The following LTBP1 variants were observed in gnomAD, a reference collection of about 807,000 sequenced individuals.
LTBP1 encodes the protein latent transforming growth factor beta binding protein 1.
LTBP1 carries 129 observed loss-of-function variants against 207.6 expected under a neutral mutation model. The observed-to-expected ratio is 0.62, with a 90% CI of 0.54 to 0.72. The LOEUF is 0.72. Among genes scored for constraint, LTBP1 ranks in the 30% least tolerant of loss-of-function variants. The pLI is 0.00. For missense variants in LTBP1, 2,281 were observed against 2,217.2 expected (o/e 1.03, Z -0.58); for synonymous variants, 963 against 833.7 (o/e 1.16, Z -2.67).
At chr2:33,349,370 G>A (rs2094748479) in intron 26 of LTBP1, among the ~76,000 whole-genome samples, 1 of 151,888 alleles carries the variant, frequency 6.6e-6, no homozygotes, top group South Asian at 2.1e-4. Flanking sequence ...GAACACATGA[G>A]GCAAGGTTGC....
At chr2:33,145,389 G>T (rs550715316) in intron 5 of LTBP1, among the ~76,000 whole-genome samples, 1 of 152,280 alleles carries the variant, frequency 6.6e-6, no homozygotes, top group African/African-American at 2.4e-5. Flanking sequence ...TTTTCCTAGT[G>T]TAGAGATTCA....
At chr2:33,098,852 T>A (rs998425524) in intron 3 of LTBP1, among the ~76,000 whole-genome samples, 1 of 152,214 alleles carries the variant, frequency 6.6e-6, no homozygotes, top group African/African-American at 2.4e-5. Context: ...AGCAAGGCTC[T>A]CCTGGTATAT....
intron 3 of LTBP1, among the ~76,000 whole-genome samples, chr2:33,079,007 C>A (rs2078250863): frequency 1.3e-5 from 2 of 151,860 alleles, no homozygotes; most frequent in South Asian, 4.2e-4. Flanking sequence ...TACAGGCGCA[C>A]ACCACCACGC....
At position 33,098,392 on chromosome 2, in the gene LTBP1, A is replaced by T. The variant is rs574462509; in HGVS notation, c.864-12190A>T. Among the ~76,000 whole-genome samples, 24 of 152,202 alleles carry T rather than the reference A, an allele frequency of 1.6e-4. 1 individual carries two copies. Among genetic ancestry groups the T allele is most frequent in the African/African-American group, 5.8e-4 (24 of 41,524 alleles). On this transcript the variant is annotated intron_variant, in intron 3 of 33. Coordinates refer to ENST00000404816, the MANE Select transcript of LTBP1 (RefSeq NM_206943.4). ...TTCATGTGCATTGCAGATATTTTTCAAATGTATTATTTAACTATTAACTTT... is the reference window on the plus strand; with the variant it reads ...TTCATGTGCATTGCAGATATTTTTCTAATGTATTATTTAACTATTAACTTT...
chr2:33,047,377 T>C (rs573583890), intron 3 of LTBP1, among the ~76,000 whole-genome samples: 40 of 152,336 alleles, frequency 2.6e-4, no homozygotes, highest in Admixed American at 2.2e-3. Context: ...ATGTACCCGG[T>C]AGTCAATTCA....
At chr2:33,228,988 TG>T (rs2091630546) in intron 9 of LTBP1, among the ~76,000 whole-genome samples, 1 of 151,930 alleles carries the variant, frequency 6.6e-6, no homozygotes, top group South Asian at 2.1e-4. Context: ...TGTGAGCCAC[TG>T]TACCCGGCCC....
At chr2:32,994,951 A>G (rs1685022395) in intron 2 of LTBP1, among the ~76,000 whole-genome samples, 1 of 152,144 alleles carries the variant, frequency 6.6e-6, no homozygotes, top group South Asian at 2.1e-4. Flanking sequence ...ATAACTCAGG[A>G]GGCTGAGGTG....
intron 3 of LTBP1, among the ~76,000 whole-genome samples, chr2:33,068,221 A>C (rs112795118): frequency 0.018 from 2,741 of 151,334 alleles, 77 homozygotes; most frequent in African/African-American, 0.063. Context: ...AATGCCCAGG[A>C]GTGCAGTTAC....
intron 15 of LTBP1, among the ~76,000 whole-genome samples, chr2:33,264,013 C>T (rs1473845215): frequency 6.7e-6 from 1 of 148,594 alleles, no homozygotes; most frequent in African/African-American, 2.5e-5. Flanking sequence ...CCCAGCACTT[C>T]AGGAGGTCGA....
At chr2:33,338,278 G>T (rs1416997163) in intron 24 of LTBP1, among the ~76,000 whole-genome samples, 2 of 152,164 alleles carry the variant, frequency 1.3e-5, no homozygotes, top group Non-Finnish European at 1.5e-5. Context: ...AAGACGCCCA[G>T]TAATTCATAA....
rs796166959 is a variant in LTBP1 at position 33,041,374 on chromosome 2, G to A, written c.863+20168G>A. On this transcript the variant is annotated intron_variant, in intron 3 of 33. Transcript: ENST00000404816. ...ATCTCGGCTCACTGCAACCTCCGCC[G>A]CCTGGGTTCAAGCGATTCTTCTGCC... 1.3e-4 allele frequency among the ~76,000 whole-genome samples: 20 copies of A among 151,866 alleles called. 1 individual carries two copies. Among genetic ancestry groups the A allele is most frequent in the African/African-American group, 3.1e-4 (13 of 41,422 alleles).
At chr2:33,125,555 G>A (rs770723879) in intron 4 of LTBP1, among the ~76,000 whole-genome samples, 12 of 152,000 alleles carry the variant, frequency 7.9e-5, no homozygotes, top group Admixed American at 5.9e-4. Flanking sequence ...CAAACTGGCC[G>A]GGCACGGTGG....
Position 33,364,361 on chromosome 2 carries a change from GT to G in LTBP1, c.4540+8del. ...TACGACCGGCTGAGTCAAACGGTAT[GT>G]TTCCAGGAGATGCAAACCTGTGTCC... On this transcript the variant is annotated splice_donor_region_variant and intron_variant, in intron 30 of 33. Transcript: ENST00000404816. 6.2e-7 allele frequency: 1 copy of G among 1,607,920 alleles called. No homozygotes were observed. Among genetic ancestry groups the G allele is most frequent in the Non-Finnish European group, 8.5e-7 (1 of 1,178,410 alleles).
intron 13 of LTBP1, among the ~76,000 whole-genome samples, 195 bp downstream of exon 13, chr2:33,259,805 T>TCCCAA (rs375511558): frequency 6.6e-6 from 1 of 152,130 alleles, no homozygotes; most frequent in African/African-American, 2.4e-5. Flanking sequence ...CTTCTCAGTG[T>TCCCAA]TAGGAAAACA....
At position 32,967,715 on chromosome 2, in the gene LTBP1, G is replaced by A. The variant is rs1680210095; in HGVS notation, c.565+18770G>A. Among the ~76,000 whole-genome samples, 3 of 152,284 alleles carry A rather than the reference G, an allele frequency of 2.0e-5. No individual in the cohort carries two copies. The South Asian group carries it at 6.2e-4, about 32-fold the overall frequency. On this transcript the variant is annotated intron_variant, in intron 2 of 33. Coordinates refer to ENST00000404816, the MANE Select transcript of LTBP1 (RefSeq NM_206943.4). ...ATTTTTACTCTTTTAAGTTTGTTAAGATGTGTTTTATGACCCAGAATGTGG... is the reference window on the plus strand; with the variant it reads ...ATTTTTACTCTTTTAAGTTTGTTAAAATGTGTTTTATGACCCAGAATGTGG...
chr2:32,983,450 G>A (rs1683068652), intron 2 of LTBP1, among the ~76,000 whole-genome samples: 1 of 152,226 alleles, frequency 6.6e-6, no homozygotes, highest in Non-Finnish European at 1.5e-5. Flanking sequence ...TTAAGACTTC[G>A]GGGGACTGTT....
Position 33,217,573 on chromosome 2 carries a change from C to G in LTBP1, c.1723C>G (p.Leu575Val), listed in dbSNP as rs2090806328. 2 of 1,613,912 alleles carry G rather than the reference C, an allele frequency of 1.2e-6. No individual in the cohort carries two copies. Among genetic ancestry groups the G allele is most frequent in the South Asian group, 1.1e-5 (1 of 91,072 alleles). ...GSQCGKALPG[L>V]SKQEDCCGTV... Reference sequence around the variant, plus strand: ...GCAGTGTGGCAAAGCGCTCCCTGGCCTTTCAAAGCAAGAGGACTGCTGTGG... The same window carrying G: ...GCAGTGTGGCAAAGCGCTCCCTGGCGTTTCAAAGCAAGAGGACTGCTGTGG... The change falls in exon 8 of 34, where the codon CTT becomes GTT. Residue 575 changes from leucine to valine, a missense_variant. By Grantham distance (32) the Leu-to-Val change is conservative. Transcript: ENST00000404816.
At chr2:33,310,140 G>T (rs1201151359) in intron 23 of LTBP1, among the ~76,000 whole-genome samples, 2 of 151,830 alleles carry the variant, frequency 1.3e-5, no homozygotes, top group Non-Finnish European at 2.9e-5. Context: ...TGGAGACGGG[G>T]GTTTCACCAC....
chr2:33,099,921 G>T (rs1014859852), intron 3 of LTBP1, among the ~76,000 whole-genome samples: 1 of 152,178 alleles, frequency 6.6e-6, no homozygotes, highest in East Asian at 1.9e-4. Context: ...TCACAAGGGG[G>T]AATAGATAAA....
Sources: allele counts gnomAD v4.1 joint callset (sites outside exome capture counted in the v4.1 genomes callset), GRCh38; gene constraint gnomAD v4.1.1; transcripts MANE v1.5; gene names NCBI Gene and HGNC (gene_info 2026-07-23, HGNC 2026-07-21).